Variants in PROK2 observed in about 807,000 individuals in gnomAD.
PROK2 encodes the protein prokineticin-2.
In PROK2, 8 loss-of-function variants were observed where a neutral mutation model predicts 14.2. The observed-to-expected ratio is 0.56, with a 90% CI of 0.33 to 1.02. The LOEUF (loss-of-function observed/expected upper bound fraction) is 1.02. PROK2 is among the 50% of genes least tolerant of loss of function. PROK2 has a pLI of 0.03. For missense variants in PROK2, 154 were observed against 160.4 expected (o/e 0.96, Z 0.22); for synonymous variants, 59 against 60.7 (o/e 0.97, Z 0.13).
chr3:71,784,937 G>T lies in PROK2; in HGVS notation c.96+20C>A, dbSNP rs937800564. The T allele has an allele frequency of 1.6e-6, 2 of 1,240,474 alleles. No homozygotes were observed. The highest frequency in any genetic ancestry group is 1.0e-6 in the Non-Finnish European group (1 of 989,580). The allele number at this position is 1,240,474 out of a possible 1,614,324, so 76.8% of individuals were successfully genotyped here. On this transcript the variant is annotated intron_variant, in intron 1 of 3. Coordinates refer to ENST00000295619, the MANE Select transcript of PROK2 (RefSeq NM_001126128.2). The stretch of plus-strand genomic sequence containing the variant: ...CCCAGGCGCGCATCAGGGGCAGACA[G>T]GTGCGCCCGGGCCGCTTACCCCGGT...
rs1444494539 is a variant in PROK2 at position 71,785,146 on chromosome 3, G to T, written c.-94C>A. 2 of 845,148 alleles carry T rather than the reference G, an allele frequency of 2.4e-6. No homozygotes were observed. Among genetic ancestry groups the T allele is most frequent in the Non-Finnish European group, 3.1e-6 (2 of 647,994 alleles). 52.4% of individuals were successfully genotyped at this position (845,148 alleles called of 1,614,324 possible). A position where few individuals can be genotyped will look rare whatever the true frequency, so the allele number is the denominator to read the frequency against. ...CGCGGAGCGGCGGGCGGACGGGCGC[G>T]GCGGCTCCCGCGAGCCTCCGGGCCG... On this transcript the variant is annotated 5_prime_UTR_variant, in exon 1 of 4. Transcript: ENST00000295619.
chr3:71,781,712 G>T (rs2050161871), intron 1 of PROK2, 120 bp from the exon 2 acceptor site: 4 of 1,075,448 alleles, frequency 3.7e-6, no homozygotes, highest in Admixed American at 2.2e-5. Context: ...TAATAATCAG[G>T]TATATTTTTT....
rs535945993 is a variant in PROK2 at position 71,772,184 on chromosome 3, A to C, written c.*540T>G. 6.2e-6 allele frequency: 1 copy of C among 160,016 alleles called. No homozygotes were observed. The highest frequency in any genetic ancestry group is 1.9e-4 in the East Asian group (1 of 5,352). The allele number at this position is 160,016 out of a possible 1,614,324, so 9.9% of individuals were successfully genotyped here. On this transcript the variant is annotated 3_prime_UTR_variant, in exon 4 of 4. Coordinates refer to ENST00000295619, the MANE Select transcript of PROK2 (RefSeq NM_001126128.2). ...AATGCCAGCAAAAAGCTGGATTCCCATCAGTGATTCTGCCATCAAACTCAA... is the reference window on the plus strand; with the variant it reads ...AATGCCAGCAAAAAGCTGGATTCCCCTCAGTGATTCTGCCATCAAACTCAA...
At chr3:71,776,119 C>T (rs554140576) in intron 2 of PROK2, among the ~76,000 whole-genome samples, 3 of 152,112 alleles carry the variant, frequency 2.0e-5, no homozygotes, top group East Asian at 1.9e-4. Context: ...TTTTGTGAAA[C>T]TTAAAAAAAA....
chr3:71,783,100 G>C (rs2050172014), intron 1 of PROK2, among the ~76,000 whole-genome samples: 1 of 152,130 alleles, frequency 6.6e-6, no homozygotes, highest in South Asian at 2.1e-4. Flanking sequence ...AAAAACTGTG[G>C]ATGTCAGGTG....
chr3:71,776,537 C>G (rs1424199399), intron 2 of PROK2, among the ~76,000 whole-genome samples: 1 of 151,778 alleles, frequency 6.6e-6, no homozygotes, highest in Non-Finnish European at 1.5e-5. Flanking sequence ...GCCACCATGC[C>G]CAGCTAATTT....
chr3:71,777,634 C>CG (rs1345540291), intron 2 of PROK2, among the ~76,000 whole-genome samples: 10 of 151,714 alleles, frequency 6.6e-5, no homozygotes, highest in Admixed American at 1.3e-4. Context: ...AATTTAAAAA[C>CG]AAGATTGTTT....
At chr3:71,774,403 T>C (rs1291774718) in intron 3 of PROK2, 42 bp downstream of exon 3, 3 of 1,551,472 alleles carry the variant, frequency 1.9e-6, no homozygotes, top group Non-Finnish European at 2.6e-6. Context: ...CTAATTCTTC[T>C]GGGCATGTCT....
At chr3:71,772,869 C>T in intron 3 of PROK2, 41 bp from the exon 4 acceptor site, 1 of 1,526,274 alleles carries the variant, frequency 6.6e-7, no homozygotes, top group Non-Finnish European at 9.1e-7. Context: ...GGAAAGGTTT[C>T]AAAAACAAAC....
chr3:71,782,923 T>C (rs1346263664), intron 1 of PROK2, among the ~76,000 whole-genome samples: 1 of 152,214 alleles, frequency 6.6e-6, no homozygotes, highest in Non-Finnish European at 1.5e-5. Flanking sequence ...TAGGACAATA[T>C]GTAAATGTTT....
intron 1 of PROK2, among the ~76,000 whole-genome samples, chr3:71,784,644 C>A (rs1010864668): frequency 8.5e-5 from 13 of 152,180 alleles, no homozygotes; most frequent in African/African-American, 3.1e-4. Context: ...TTCTTTCAGC[C>A]TAACAGAAGA....
chr3:71,776,364 A>ATTTTTTTTTTTTTTTT (rs58407323), intron 2 of PROK2, among the ~76,000 whole-genome samples: 4 of 75,434 alleles, frequency 5.3e-5, no homozygotes, highest in African/African-American at 2.0e-4. Flanking sequence ...TTCGCTTTTC[A>ATTTTTTTTTTTTTTTT]TTTTTTTTTT....
chr3:71,780,090 C>T (rs2050149889), intron 2 of PROK2, among the ~76,000 whole-genome samples: 1 of 152,206 alleles, frequency 6.6e-6, no homozygotes, highest in South Asian at 2.1e-4. Context: ...ACACAAGTAA[C>T]GGTTTAAACC....
intron 1 of PROK2, 105 bp downstream of exon 1, chr3:71,784,852 A>G (rs1578414922): frequency 2.0e-6 from 2 of 1,007,686 alleles, no homozygotes; most frequent in Non-Finnish European, 2.6e-6. Context: ...GCCCAGGGCG[A>G]CCCTCCCTTT....
chr3:71,776,278 C>G (rs1171256499), intron 2 of PROK2, among the ~76,000 whole-genome samples: 1 of 151,918 alleles, frequency 6.6e-6, no homozygotes, highest in Non-Finnish European at 1.5e-5. Context: ...CCAGTTCACT[C>G]AGTTCTGTGA....
Position 71,784,902 on chromosome 3 carries a change from CT to C in PROK2, c.96+54del, listed in dbSNP as rs1193647071. On this transcript the variant is annotated intron_variant, in intron 1 of 3. Coordinates refer to ENST00000295619, the MANE Select transcript of PROK2 (RefSeq NM_001126128.2). ...CTTCAGGGTCCCCGTCCCAAGCCCC[CT>C]GGGCACATCCCAGGCGCGCATCAGG... is the stretch of plus-strand genomic sequence containing the variant. 5.0e-6 allele frequency: 6 copies of C among 1,210,584 alleles called. No homozygotes were observed. The African/African-American group carries it at 7.8e-5, about 16-fold the overall frequency. The allele number at this position is 1,210,584 out of a possible 1,614,324, so 75.0% of individuals were successfully genotyped here. A position where few individuals can be genotyped will look rare whatever the true frequency, so the allele number is the denominator to read the frequency against.
intron 1 of PROK2, among the ~76,000 whole-genome samples, chr3:71,782,897 A>G (rs577846069): frequency 1.3e-5 from 2 of 152,270 alleles, no homozygotes. Flanking sequence ...TTTCACCTTG[A>G]GGTGTTTGGA....
chr3:71,772,572 A>T lies in PROK2; in HGVS notation c.*152T>A, dbSNP rs753371560. On this transcript the variant is annotated 3_prime_UTR_variant, in exon 4 of 4. Transcript: ENST00000295619. ...ATTCTCTTTCGATAAAAAAAAAAAAAAATCATTTACAAATCAAAGATAAAA... is the reference window on the plus strand; with the variant it reads ...ATTCTCTTTCGATAAAAAAAAAAAATAATCATTTACAAATCAAAGATAAAA... 5.6e-6 allele frequency: 4 copies of T among 716,550 alleles called. No homozygotes were observed. The highest frequency in any genetic ancestry group is 9.5e-6 in the Non-Finnish European group (4 of 421,644). The allele number at this position is 716,550 out of a possible 1,614,324, so 44.4% of individuals were successfully genotyped here.
chr3:71,772,558 A>AT lies in PROK2; in HGVS notation c.*165dup, dbSNP rs906059468. 3.2e-5 allele frequency: 21 copies of AT among 647,132 alleles called. No homozygotes were observed. The highest frequency in any genetic ancestry group is 1.8e-4 in the African/African-American group (9 of 49,002). The allele number at this position is 647,132 out of a possible 1,614,324, so 40.1% of individuals were successfully genotyped here. A position where few individuals can be genotyped will look rare whatever the true frequency, so the allele number is the denominator to read the frequency against. ...TATCCAAAAGTAAAATTCTCTTTCG[A>AT]TAAAAAAAAAAAAAAATCATTTACA... is the stretch of plus-strand genomic sequence containing the variant. On this transcript the variant is annotated 3_prime_UTR_variant, in exon 4 of 4. Transcript: ENST00000295619.
Sources: allele counts gnomAD v4.1 joint callset (sites outside exome capture counted in the v4.1 genomes callset), GRCh38; gene constraint gnomAD v4.1.1; transcripts MANE v1.5; gene names NCBI Gene and HGNC (gene_info 2026-07-23, HGNC 2026-07-21).